C19orf47: variants seen among roughly 807,000 people sequenced by gnomAD.
C19orf47 encodes the protein chromosome 19 open reading frame 47.
In C19orf47, 18 loss-of-function variants were observed where a neutral mutation model predicts 32.3. The observed-to-expected ratio is 0.56, with a 90% confidence interval of 0.39 to 0.83. The LOEUF (loss-of-function observed/expected upper bound fraction) is 0.83, where lower values mean the gene tolerates loss of function less well. Among genes scored for constraint, C19orf47 ranks in the 40% least tolerant of loss-of-function variants. The probability of loss-of-function intolerance (pLI) is 0.00; values close to 1 mark genes in which losing one functional copy is unlikely to be tolerated. For synonymous variants in C19orf47, 202 were observed against 211.1 expected (o/e 0.96, Z 0.37); for missense variants, 484 against 531.6 (o/e 0.91, Z 0.88).
chr19:40,298,890 G>C, the C19orf47 span, among the ~76,000 whole-genome samples: 1 of 151,422 alleles, frequency 6.6e-6, no homozygotes, highest in African/African-American at 2.4e-5. Context: ...AATCTTTTGT[G>C]GTCAAACTGA....
intron 5 of C19orf47, among the ~76,000 whole-genome samples, chr19:40,331,822 C>T (rs1203377812): frequency 6.6e-6 from 1 of 151,992 alleles, no homozygotes; most frequent in Non-Finnish European, 1.5e-5. Context: ...GGATCACCTA[C>T]AGTCAGGAGC....
the C19orf47 span, among the ~76,000 whole-genome samples, chr19:40,306,934 C>T: frequency 3.3e-5 from 5 of 151,394 alleles, no homozygotes; most frequent in African/African-American, 1.2e-4. Flanking sequence ...GGACTACAGG[C>T]GCCCGCCACC....
Position 40,348,372 on chromosome 19 carries a change from G to A in C19orf47, c.-82C>T. The A allele has an allele frequency of 7.1e-7, 1 of 1,410,246 alleles. No individual in the cohort carries two copies. Among genetic ancestry groups the A allele is most frequent in the South Asian group, 1.4e-5 (1 of 71,742 alleles). 87.4% of individuals were successfully genotyped at this position (1,410,246 alleles called of 1,614,324 possible). A position where few individuals can be genotyped will look rare whatever the true frequency, so the allele number is the denominator to read the frequency against. ...CTCGCGCCGCCCGCCCTCCCTCCCG[G>A]CGGCGCCAACTGTCAGACACTCCTC... On this transcript the variant is annotated 5_prime_UTR_variant, in exon 1 of 9. Coordinates refer to ENST00000683109, the MANE Select transcript of C19orf47 (RefSeq NM_001256441.2).
chr19:40,297,930 G>A, the C19orf47 span, among the ~76,000 whole-genome samples: 4 of 150,506 alleles, frequency 2.7e-5, no homozygotes, highest in South Asian at 2.1e-4. Flanking sequence ...CCAGCTACTC[G>A]GGAGGCTGAG....
At chr19:40,309,510 T>C in the C19orf47 span, among the ~76,000 whole-genome samples, 1 of 152,114 alleles carries the variant, frequency 6.6e-6, no homozygotes, top group Non-Finnish European at 1.5e-5. Context: ...TTTATTTTGG[T>C]TAAACCTTGC....
the C19orf47 span, among the ~76,000 whole-genome samples, chr19:40,299,928 C>T: frequency 6.6e-6 from 1 of 151,898 alleles, no homozygotes; most frequent in African/African-American, 2.4e-5. Context: ...ACTCGGGAGG[C>T]TGAGGCAGGA....
Position 40,322,373 on chromosome 19 carries a change from T to C in C19orf47, c.667A>G (p.Thr223Ala), listed in dbSNP as rs374702709. The C allele has an allele frequency of 4.4e-6, 7 of 1,576,566 alleles. No homozygotes were observed. In the South Asian group the frequency reaches 8.0e-5, roughly 18 times the overall value. ...KADTTTGSKPTGVFSRLGATP... is the reference protein window; with the variant it reads ...KADTTTGSKPAGVFSRLGATP... ...GCCCCCAGGCGGCTGAAGACTCCTG[T>C]GGGCTGTGGAGGTCAGAGACAGGAT... is the stretch of plus-strand genomic sequence containing the variant. The change falls in exon 9 of 9, where the codon ACA becomes GCA. Residue 223 changes from threonine (T) to alanine (A), a missense_variant. Thr to Ala is a moderately conservative substitution (Grantham distance 58). Coordinates refer to ENST00000683109, the MANE Select transcript of C19orf47 (RefSeq NM_001256441.2).
chr19:40,296,473 G>A, the C19orf47 span, among the ~76,000 whole-genome samples: 1 of 151,774 alleles, frequency 6.6e-6, no homozygotes, highest in African/African-American at 2.4e-5. Context: ...GTAGAGATGG[G>A]GTTTCGCCAC....
Position 40,348,328 on chromosome 19 carries a change from C to T in C19orf47, c.-38G>A. On this transcript the variant is annotated 5_prime_UTR_variant, in exon 1 of 9. Coordinates refer to ENST00000683109, the MANE Select transcript of C19orf47 (RefSeq NM_001256441.2). ...CACCCCCGGCCCGCGCCTCACCTGG[C>T]CCACCGGGCCCGCGCCCACTCGCGC... 2 of 1,354,474 alleles carry T rather than the reference C, an allele frequency of 1.5e-6. No individual in the cohort carries two copies. The highest frequency in any genetic ancestry group is 1.9e-6 in the Non-Finnish European group (2 of 1,056,596). 83.9% of individuals were successfully genotyped at this position (1,354,474 alleles called of 1,614,324 possible). A position where few individuals can be genotyped will look rare whatever the true frequency, so the allele number is the denominator to read the frequency against.
chr19:40,312,692 A>G, the C19orf47 span, among the ~76,000 whole-genome samples: 3 of 152,174 alleles, frequency 2.0e-5, no homozygotes, highest in African/African-American at 7.2e-5. Context: ...TGGGCCCCAG[A>G]TAAGTGCCAG....
chr19:40,332,688 A>C (rs919090586), intron 5 of C19orf47: 3 of 151,898 alleles, frequency 2.0e-5, no homozygotes, highest in African/African-American at 7.3e-5. Flanking sequence ...TACAGTCAAT[A>C]CTCATCATTC....
the C19orf47 span, among the ~76,000 whole-genome samples, chr19:40,296,942 T>A: frequency 6.6e-6 from 1 of 151,702 alleles, no homozygotes; most frequent in African/African-American, 2.4e-5. Flanking sequence ...GTGGTGCACT[T>A]GTAGAGGGCA....
chr19:40,322,113 G>A lies in C19orf47; in HGVS notation c.927C>T (p.Ser309=). Residue 309 remains serine (S), a synonymous_variant, in exon 9 of 9, where the codon TCC becomes TCT. Transcript: ENST00000683109. Reference sequence around the variant, plus strand: ...TCTTGATGATGCTGACTTTAGACAAGGACTCCGGCTTCCTCTCAAGCCCAG... The same window carrying A: ...TCTTGATGATGCTGACTTTAGACAAAGACTCCGGCTTCCTCTCAAGCCCAG... The part of the protein sequence containing the change: ...SRSGLERKPE[S]LSKVSIIKRL... The A allele has an allele frequency of 6.2e-7, 1 of 1,614,144 alleles. No homozygotes were observed. Among genetic ancestry groups the A allele is most frequent in the Non-Finnish European group, 8.5e-7 (1 of 1,180,032 alleles).
intron 1 of C19orf47, 33 bp downstream of exon 1, chr19:40,348,291 G>A: frequency 7.6e-7 from 1 of 1,313,726 alleles, no homozygotes; most frequent in Non-Finnish European, 9.7e-7. Context: ...ACCGCAACCG[G>A]CCCAGTCCCA....
intron 2 of C19orf47, among the ~76,000 whole-genome samples, chr19:40,338,292 A>AC (rs2078107818): frequency 9.6e-6 from 1 of 104,598 alleles, no homozygotes; most frequent in Non-Finnish European, 2.2e-5. Context: ...CACACACACA[A>AC]ATATATATAT....
chr19:40,293,733 G>T, the C19orf47 span, among the ~76,000 whole-genome samples: 1 of 151,958 alleles, frequency 6.6e-6, no homozygotes, highest in Admixed American at 6.6e-5. Flanking sequence ...CAAAGTGCTG[G>T]GATTACAGGT....
At chr19:40,317,175 G>C (rs560612599), downstream of C19orf47, among the ~76,000 whole-genome samples, 10 of 151,994 alleles carry the variant, frequency 6.6e-5, no homozygotes, top group East Asian at 1.9e-3. Flanking sequence ...GCAGTGGTGC[G>C]ATCACAGCTC....
At chr19:40,293,423 G>A in the C19orf47 span, among the ~76,000 whole-genome samples, 4 of 151,604 alleles carry the variant, frequency 2.6e-5, no homozygotes, top group East Asian at 7.9e-4. Flanking sequence ...TGGGATTACA[G>A]GCATGAGCCA....
chr19:40,323,121 C>T (rs1432039935), intron 8 of C19orf47, among the ~76,000 whole-genome samples: 1 of 152,244 alleles, frequency 6.6e-6, no homozygotes, highest in African/African-American at 2.4e-5. Flanking sequence ...AGGGCTGGAA[C>T]TTCCAGCCAC....
Sources: gnomAD v4.1 joint callset for allele counts (sites outside exome capture counted in the v4.1 genomes callset) on GRCh38, gnomAD v4.1.1 for gene constraint, MANE v1.5 for transcripts, NCBI Gene and HGNC (gene_info 2026-07-23, HGNC 2026-07-21) for gene names.